RGS6: variants seen among roughly 807,000 people sequenced by gnomAD.
RGS6 encodes regulator of G-protein signaling 6.
RGS6 carries 30 observed loss-of-function variants against 78.5 expected under a neutral mutation model. The observed-to-expected ratio is 0.38, with a 90% CI of 0.29 to 0.52. The LOEUF is 0.52. Among genes scored for constraint, RGS6 ranks in the 20% least tolerant of loss-of-function variants. The probability of loss-of-function intolerance (pLI) is 0.85; values close to 1 mark genes in which losing one functional copy is unlikely to be tolerated. For missense variants in RGS6, 495 were observed against 609.7 expected (o/e 0.81, Z 1.98); for synonymous variants, 206 against 206.0 (o/e 1.00, Z 0.00).
intron 2 of RGS6, chr14:71,991,044 G>C (rs549018587): frequency 2.1e-4 from 74 of 359,206 alleles, no homozygotes; most frequent in Middle Eastern, 7.8e-4. Context: ...AACATTTTCT[G>C]TTTGTCTCCC....
At chr14:72,542,430 A>G (rs950654577) in intron 17 of RGS6, among the ~76,000 whole-genome samples, 1 of 152,238 alleles carries the variant, frequency 6.6e-6, no homozygotes. Flanking sequence ...TCATATGCCT[A>G]AAGTATTTGA....
the RGS6 span, among the ~76,000 whole-genome samples, chr14:72,580,614 T>C: frequency 3.3e-5 from 5 of 152,266 alleles, no homozygotes; most frequent in Non-Finnish European, 4.4e-5. Flanking sequence ...CTCCCAAGAA[T>C]GTTTGAAGGT....
chr14:72,464,117 G>A (rs2095846013), intron 6 of RGS6, among the ~76,000 whole-genome samples: 1 of 152,110 alleles, frequency 6.6e-6, no homozygotes, highest in Admixed American at 6.6e-5. Flanking sequence ...AGAATGTAAA[G>A]ACATTTTTGT....
At chr14:72,507,447 T>C (rs1276753370) in intron 13 of RGS6, among the ~76,000 whole-genome samples, 6 of 152,188 alleles carry the variant, frequency 3.9e-5, no homozygotes, top group African/African-American at 1.4e-4. Flanking sequence ...TCCTTTGTTA[T>C]GGCAATCCTA....
intron 1 of RGS6, among the ~76,000 whole-genome samples, chr14:71,936,017 T>TATATATATATATATATATATGTAC (rs2089151079): frequency 8.7e-6 from 1 of 114,424 alleles, no homozygotes; most frequent in African/African-American, 3.8e-5. Context: ...ACTAATAGGA[T>TATATATATATATATATATATGTAC]ATATATATAT....
intron 1 of RGS6, among the ~76,000 whole-genome samples, chr14:71,961,676 T>C (rs185823371): frequency 3.3e-5 from 5 of 152,330 alleles, no homozygotes; most frequent in Admixed American, 2.0e-4. Context: ...CCTCTTGGGT[T>C]AGCTGTGAGT....
At chr14:72,072,370 G>A (rs920529302) in intron 2 of RGS6, among the ~76,000 whole-genome samples, 2 of 151,410 alleles carry the variant, frequency 1.3e-5, no homozygotes, top group African/African-American at 2.4e-5. Flanking sequence ...GTGCGGTGGC[G>A]CAATCTCGGC....
the RGS6 span, among the ~76,000 whole-genome samples, chr14:72,577,843 C>T: frequency 6.6e-6 from 1 of 152,178 alleles, no homozygotes; most frequent in Non-Finnish European, 1.5e-5. Context: ...GAGCCATCGG[C>T]CCCAGTAACA....
chr14:72,474,514 C>A, intron 9 of RGS6, 111 bp from the exon 10 acceptor site: 1 of 945,686 alleles, frequency 1.1e-6, no homozygotes. Context: ...AAAAATCATG[C>A]ATTGTCTGTA....
At chr14:72,252,817 T>C (rs906518554) in intron 2 of RGS6, among the ~76,000 whole-genome samples, 3 of 152,196 alleles carry the variant, frequency 2.0e-5, no homozygotes, top group African/African-American at 7.2e-5. Context: ...CTCTATAAAA[T>C]GTTAAGAGAG....
chr14:71,924,172 G>A, the RGS6 span, among the ~76,000 whole-genome samples: 4 of 152,132 alleles, frequency 2.6e-5, no homozygotes, highest in Non-Finnish European at 5.9e-5. Flanking sequence ...AGCCTCCCCA[G>A]TAGCTGGGAC....
At chr14:72,388,573 G>A (rs1184789116) in intron 3 of RGS6, among the ~76,000 whole-genome samples, 1 of 152,140 alleles carries the variant, frequency 6.6e-6, no homozygotes, top group Non-Finnish European at 1.5e-5. Context: ...GGGAAGGCAG[G>A]CAGCTCTTCT....
At chr14:72,140,704 ACC>A (rs1342316787) in intron 2 of RGS6, among the ~76,000 whole-genome samples, 1 of 152,222 alleles carries the variant, frequency 6.6e-6, no homozygotes, top group Non-Finnish European at 1.5e-5. Context: ...TGGAGCCAGC[ACC>A]TGAGATCACA....
intron 1 of RGS6, among the ~76,000 whole-genome samples, chr14:71,952,826 A>G (rs1211297981): frequency 7.9e-6 from 1 of 127,282 alleles, no homozygotes; most frequent in African/African-American, 3.2e-5. Flanking sequence ...TTTTTAAAAA[A>G]GAAAGAAAAC....
At chr14:72,400,815 C>G (rs942261662) in intron 3 of RGS6, among the ~76,000 whole-genome samples, 1 of 152,226 alleles carries the variant, frequency 6.6e-6, no homozygotes, top group African/African-American at 2.4e-5. Context: ...CTGATCCTCC[C>G]TAGCAGCCCT....
chr14:71,988,821 A>G (rs1452642142), intron 2 of RGS6, among the ~76,000 whole-genome samples: 5 of 152,178 alleles, frequency 3.3e-5, no homozygotes, highest in Admixed American at 2.6e-4. Context: ...GGGAGGGGGT[A>G]TACAAGATAA....
At chr14:72,613,010 G>A in the RGS6 span, among the ~76,000 whole-genome samples, 29 of 151,944 alleles carry the variant, frequency 1.9e-4, no homozygotes, top group African/African-American at 6.8e-4. Context: ...GTGTGTGTGT[G>A]TGTGTGTGTG....
chr14:72,370,208 A>T (rs1464598630), intron 3 of RGS6, among the ~76,000 whole-genome samples: 1 of 151,996 alleles, frequency 6.6e-6, no homozygotes, highest in Non-Finnish European at 1.5e-5. Context: ...ATAAAGAGTT[A>T]CTGGGCCAAG....
intron 3 of RGS6, among the ~76,000 whole-genome samples, chr14:72,369,550 G>T (rs2083067312): frequency 6.6e-6 from 1 of 152,074 alleles, no homozygotes; most frequent in Non-Finnish European, 1.5e-5. Flanking sequence ...ATGACACAAT[G>T]ATTTTTTTTA....
Sources: allele counts gnomAD v4.1 joint callset (sites outside exome capture counted in the v4.1 genomes callset), GRCh38; gene constraint gnomAD v4.1.1; transcripts MANE v1.5; gene names NCBI Gene and HGNC (gene_info 2026-07-23, HGNC 2026-07-21).